Variants in CTSC observed in about 807,000 individuals in gnomAD.
CTSC encodes the protein cathepsin C.
CTSC carries 37 observed loss-of-function variants against 40.9 expected under a neutral mutation model. The ratio of observed to expected loss-of-function variants is 0.91; its 90% confidence interval spans 0.70 to 1.19. The LOEUF (loss-of-function observed/expected upper bound fraction) is 1.19, where lower values mean the gene tolerates loss of function less well. CTSC is among the 50% of genes most tolerant of loss of function. The pLI is 0.00. For missense variants in CTSC, 594 were observed against 567.3 expected, an observed-to-expected ratio of 1.05 and a Z score of -0.48; for synonymous variants, 232 against 207.4, an observed-to-expected ratio of 1.12 and a Z score of -1.02.
At position 88,312,481 on chromosome 11, in the gene CTSC, C is replaced by A; in HGVS notation, c.392G>T (p.Gly131Val). ...TMTGWVHDVL[G>V]RNWACFTGKK... Reference sequence around the variant, plus strand: ...TCCGGTGAAACAAGCCCAGTTCCGGCCCAACACATCATGCACCCACCCAGT... The same window carrying A: ...TCCGGTGAAACAAGCCCAGTTCCGGACCAACACATCATGCACCCACCCAGT... The change falls in exon 3 of 7, where the codon GGC becomes GTC. Residue 131 changes from glycine (G) to valine (V), a missense_variant. Physicochemically the swap from Gly to Val is moderately radical, Grantham distance 109 (BLOSUM62 -3). Coordinates refer to ENST00000227266, the MANE Select transcript of CTSC (RefSeq NM_001814.6). The A allele has an allele frequency of 1.2e-6, 2 of 1,614,184 alleles. No individual in the cohort carries two copies. The highest frequency in any genetic ancestry group is 1.7e-6 in the Non-Finnish European group (2 of 1,180,040).
chr11:88,302,194 T>G (rs926111757), intron 4 of CTSC, among the ~76,000 whole-genome samples: 1 of 152,190 alleles, frequency 6.6e-6, no homozygotes, highest in African/African-American at 2.4e-5. Context: ...AGTTTTTCAG[T>G]GGTTACCAGA....
intron 2 of CTSC, among the ~76,000 whole-genome samples, chr11:88,331,876 G>A (rs1938367601): frequency 6.6e-6 from 1 of 152,168 alleles, no homozygotes; most frequent in Non-Finnish European, 1.5e-5. Flanking sequence ...AGATCAGAGA[G>A]AGAGATTCTG....
chr11:88,326,336 T>C (rs1318023973), intron 2 of CTSC: 1 of 1,613,728 alleles, frequency 6.2e-7, no homozygotes. Flanking sequence ...CTTTGCTAGC[T>C]GCTACAGGTA....
At chr11:88,329,088 A>C (rs1938269937) in intron 2 of CTSC, among the ~76,000 whole-genome samples, 1 of 152,180 alleles carries the variant, frequency 6.6e-6, no homozygotes, top group Non-Finnish European at 1.5e-5. Context: ...TGAGTAGCTT[A>C]ATCTTCAAAA....
chr11:88,321,097 T>C (rs1239609116), intron 2 of CTSC: 3 of 929,660 alleles, frequency 3.2e-6, no homozygotes, highest in South Asian at 5.0e-5. Flanking sequence ...ATAAAAGAAC[T>C]CATTAGTAAT....
intron 2 of CTSC, among the ~76,000 whole-genome samples, chr11:88,333,784 T>G (rs1176391071): frequency 1.3e-5 from 2 of 152,236 alleles, no homozygotes; most frequent in African/African-American, 4.8e-5. Context: ...TTCAGTGGAC[T>G]GGTGGCCATC....
Position 88,300,605 on chromosome 11 carries a change from T to A in CTSC, c.682A>T (p.Ile228Phe). 1 of 1,613,920 alleles carries A rather than the reference T, an allele frequency of 6.2e-7. No individual in the cohort carries two copies. The highest frequency in any genetic ancestry group is 2.2e-5 in the East Asian group (1 of 44,868). Reference protein sequence around the residue: ...APLTAEIQQKILHLPTSWDWR... With the variant: ...APLTAEIQQKFLHLPTSWDWR... ...TCCCAAGATGTTGGCAAATGCAAAA[T>A]CTTTTGCTGTATTTCAGCAGTCAGT... is the stretch of plus-strand genomic sequence containing the variant. Residue 228 changes from isoleucine to phenylalanine, a missense_variant, in exon 5 of 7, where the codon ATT (isoleucine) becomes TTT (phenylalanine). Physicochemically the swap from Ile to Phe is conservative, Grantham distance 21. Transcript: ENST00000227266.
chr11:88,337,623 G>T lies in CTSC; in HGVS notation c.50C>A (p.Ser17Tyr). The change falls in exon 1 of 7, where the codon TCC becomes TAC. Residue 17 changes from serine to tyrosine, a missense_variant. Coordinates refer to ENST00000227266, the MANE Select transcript of CTSC (RefSeq NM_001814.6). ...LLLAALLLLL[S>Y]GDGAVRCDTP... ...GTCGCAGCGCACGGCGCCGTCGCCG[G>T]AGAGAAGCAGCAGGAGGGCGGCGAG... The T allele has an allele frequency of 6.3e-7, 1 of 1,583,762 alleles. No individual in the cohort carries two copies. Among genetic ancestry groups the T allele is most frequent in the Non-Finnish European group, 8.6e-7 (1 of 1,164,406 alleles).
At chr11:88,326,434 T>C (rs1414003113) in intron 2 of CTSC, 2 of 1,611,618 alleles carry the variant, frequency 1.2e-6, no homozygotes, top group Admixed American at 3.3e-5. Flanking sequence ...ACAGATGCTC[T>C]ATTTAATAAC....
At chr11:88,328,711 T>C (rs923742906) in intron 2 of CTSC, among the ~76,000 whole-genome samples, 25 of 152,124 alleles carry the variant, frequency 1.6e-4, no homozygotes, top group African/African-American at 5.8e-4. Flanking sequence ...CACTGCAACC[T>C]CCACCTCCCG....
chr11:88,329,180 T>A (rs200111942), intron 2 of CTSC, among the ~76,000 whole-genome samples: 4 of 151,526 alleles, frequency 2.6e-5, no homozygotes, highest in Admixed American at 2.0e-4. Context: ...TGAGAAACAG[T>A]AGGTTAGAAA....
chr11:88,335,892 C>T (rs1202356516), intron 1 of CTSC, among the ~76,000 whole-genome samples: 3 of 152,150 alleles, frequency 2.0e-5, no homozygotes, highest in Non-Finnish European at 2.9e-5. Flanking sequence ...TACCTTTCTC[C>T]TCAAAGGCTC....
intron 2 of CTSC, among the ~76,000 whole-genome samples, chr11:88,315,603 T>C (rs1003432737): frequency 6.6e-6 from 1 of 151,610 alleles, no homozygotes; most frequent in Admixed American, 6.6e-5. Context: ...TTTCATACTT[T>C]ATAAATATTG....
chr11:88,315,791 C>A (rs779041799), intron 2 of CTSC, among the ~76,000 whole-genome samples: 42 of 152,104 alleles, frequency 2.8e-4, no homozygotes, highest in Non-Finnish European at 5.3e-4. Context: ...TAAACAATTA[C>A]TAAAATCACT....
At position 88,293,900 on chromosome 11, in the gene CTSC, C is replaced by T; in HGVS notation, c.*106G>A. 1 of 1,300,136 alleles carries T rather than the reference C, an allele frequency of 7.7e-7. No individual in the cohort carries two copies. Among genetic ancestry groups the T allele is most frequent in the Middle Eastern group, 2.0e-4 (1 of 5,118 alleles). 80.5% of individuals were successfully genotyped at this position (1,300,136 alleles called of 1,614,324 possible). A position where few individuals can be genotyped will look rare whatever the true frequency, so the allele number is the denominator to read the frequency against. ...TGAAGACAAATATCTTCATGGAAAT[C>T]TATTTGTAAGCTTCTGAGATTGCTG... On this transcript the variant is annotated 3_prime_UTR_variant, in exon 7 of 7. Transcript: ENST00000227266.
At chr11:88,297,179 A>C (rs1205924059) in intron 5 of CTSC, 1 of 152,186 alleles carries the variant, frequency 6.6e-6, no homozygotes, top group Non-Finnish European at 1.5e-5. Flanking sequence ...ACAAATATTC[A>C]GATTTTCTCT....
At chr11:88,318,284 T>C (rs1937922851) in intron 2 of CTSC, among the ~76,000 whole-genome samples, 6 of 152,228 alleles carry the variant, frequency 3.9e-5, no homozygotes, top group Non-Finnish European at 1.5e-5. Flanking sequence ...TACGTAACCT[T>C]GAGCAAGTCA....
intron 2 of CTSC, among the ~76,000 whole-genome samples, chr11:88,326,968 G>A (rs3781783): frequency 0.05 from 7,586 of 151,412 alleles, 231 homozygotes; most frequent in East Asian, 0.1. Context: ...CTTATTTTTC[G>A]TGGAAAAAAA....
At chr11:88,322,239 CTTTAG>C (rs1273487280) in intron 2 of CTSC, 1 of 152,098 alleles carries the variant, frequency 6.6e-6, no homozygotes, top group East Asian at 1.9e-4. Context: ...GTGCAGAGCT[CTTTAG>C]TTTAATTAGA....
Sources: gnomAD v4.1 joint callset for allele counts (sites outside exome capture counted in the v4.1 genomes callset) on GRCh38, gnomAD v4.1.1 for gene constraint, MANE v1.5 for transcripts, NCBI Gene and HGNC (gene_info 2026-07-23, HGNC 2026-07-21) for gene names.